Variants in MTHFD2L observed in about 807,000 individuals in gnomAD.
The protein encoded by MTHFD2L is methylenetetrahydrofolate dehydrogenase (NADP+ dependent) 2 like.
A neutral mutation model predicts 34.9 loss-of-function variants in MTHFD2L; 29 were observed. That is an observed-to-expected ratio of 0.83 (90% CI 0.62 to 1.13). MTHFD2L has a LOEUF of 1.13. Ranked by LOEUF, MTHFD2L falls within the 50% of genes most tolerant of loss-of-function variation. The pLI is 0.00. For synonymous variants in MTHFD2L, 167 were observed against 155.7 expected (o/e 1.07, Z -0.54); for missense variants, 481 against 446.5 (o/e 1.08, Z -0.70).
At chr4:74,227,324 C>T (rs541916847) in intron 6 of MTHFD2L, among the ~76,000 whole-genome samples, 49 of 152,294 alleles carry the variant, frequency 3.2e-4, no homozygotes, top group African/African-American at 1.2e-3. Context: ...ATGGTACAAG[C>T]TTCCTCCAGT....
At chr4:74,230,370 A>T (rs1374390285) in intron 6 of MTHFD2L, among the ~76,000 whole-genome samples, 2 of 152,002 alleles carry the variant, frequency 1.3e-5, no homozygotes, top group East Asian at 3.9e-4. Context: ...TGGGTGGATC[A>T]CCTGTGGTCA....
intron 2 of MTHFD2L, among the ~76,000 whole-genome samples, chr4:74,116,301 A>G (rs1721654351): frequency 6.6e-6 from 1 of 152,184 alleles, no homozygotes; most frequent in Admixed American, 6.5e-5. Context: ...ACTGTCAACC[A>G]ATAAAATACA....
At chr4:74,168,646 A>G (rs769326114) in intron 1 of MTHFD2L, among the ~76,000 whole-genome samples, 1 of 152,158 alleles carries the variant, frequency 6.6e-6, no homozygotes, top group Non-Finnish European at 1.5e-5. Context: ...TTCAGCACAT[A>G]GGAGACTTTC....
At chr4:74,290,435 T>A (rs1185671282) in intron 7 of MTHFD2L, among the ~76,000 whole-genome samples, 4 of 152,230 alleles carry the variant, frequency 2.6e-5, no homozygotes, top group Non-Finnish European at 5.9e-5. Context: ...TCAAGCTAAC[T>A]TGGGTTTGAA....
intron 1 of MTHFD2L, among the ~76,000 whole-genome samples, chr4:74,150,511 C>T (rs1243221208): frequency 6.6e-6 from 1 of 152,216 alleles, no homozygotes; most frequent in East Asian, 1.9e-4. Flanking sequence ...GCCTAGGCTT[C>T]CCAAAGTCCT....
At chr4:74,171,664 A>G (rs1304946628) in intron 1 of MTHFD2L, among the ~76,000 whole-genome samples, 2 of 152,086 alleles carry the variant, frequency 1.3e-5, no homozygotes, top group Non-Finnish European at 2.9e-5. Context: ...TTAGTCAGGC[A>G]TGGTGGCATA....
At chr4:74,211,090 G>A (rs142951585) in intron 5 of MTHFD2L, among the ~76,000 whole-genome samples, 54 of 152,266 alleles carry the variant, frequency 3.5e-4, no homozygotes, top group African/African-American at 1.3e-3. Context: ...GGGCTGTGGT[G>A]ACAGGGTTTT....
upstream of MTHFD2L, chr4:74,157,577 G>A: frequency 2.3e-6 from 1 of 433,120 alleles, no homozygotes; most frequent in Non-Finnish European, 4.6e-6. Flanking sequence ...TAAAGTAGAA[G>A]TATAGAAATC....
intron 6 of MTHFD2L, among the ~76,000 whole-genome samples, chr4:74,276,121 G>T (rs1746613719): frequency 6.6e-6 from 1 of 152,078 alleles, no homozygotes; most frequent in South Asian, 2.1e-4. Flanking sequence ...TTTAGGATTG[G>T]TGGATACAAA....
intron 1 of MTHFD2L, among the ~76,000 whole-genome samples, chr4:74,142,316 A>G (rs1723323734): frequency 2.0e-5 from 3 of 152,208 alleles, no homozygotes; most frequent in Admixed American, 6.5e-5. Context: ...TTATTGTAAC[A>G]GTATTTTGAA....
chr4:74,214,877 G>T (rs1212319527), intron 5 of MTHFD2L, among the ~76,000 whole-genome samples: 2 of 151,814 alleles, frequency 1.3e-5, no homozygotes, highest in Non-Finnish European at 2.9e-5. Flanking sequence ...GACAGGGGCT[G>T]CTGCCTTTCT....
intron 6 of MTHFD2L, among the ~76,000 whole-genome samples, chr4:74,279,416 A>G (rs940456822): frequency 1.3e-5 from 2 of 152,036 alleles, no homozygotes; most frequent in Non-Finnish European, 2.9e-5. Context: ...TTAAATTTTT[A>G]TATATTTTCC....
intron 1 of MTHFD2L, chr4:74,140,551 C>T (rs1723215654): frequency 3.1e-6 from 3 of 979,108 alleles, no homozygotes; most frequent in Non-Finnish European, 3.6e-6. Context: ...GTGCATTATT[C>T]ATTTAGGCTA....
chr4:74,187,781 C>T (rs564960965), intron 3 of MTHFD2L, among the ~76,000 whole-genome samples: 5 of 138,896 alleles, frequency 3.6e-5, no homozygotes, highest in African/African-American at 1.2e-4. Flanking sequence ...CTGGTCCAGC[C>T]ATTCTGTGCC....
At chr4:74,241,194 T>C (rs1436057816) in intron 6 of MTHFD2L, among the ~76,000 whole-genome samples, 1 of 152,186 alleles carries the variant, frequency 6.6e-6, no homozygotes, top group Non-Finnish European at 1.5e-5. Context: ...ACTTTTACCA[T>C]TATCAAATGA....
intron 5 of MTHFD2L, among the ~76,000 whole-genome samples, chr4:74,211,483 C>T (rs539574553): frequency 7.8e-4 from 119 of 152,138 alleles, no homozygotes; most frequent in African/African-American, 2.7e-3. Context: ...TGATGGATTC[C>T]GTTTGTTGAT....
chr4:74,259,019 A>G (rs1744367875), intron 6 of MTHFD2L, among the ~76,000 whole-genome samples: 1 of 152,184 alleles, frequency 6.6e-6, no homozygotes, highest in Non-Finnish European at 1.5e-5. Flanking sequence ...AATTCTACTA[A>G]ATCTCTGTAA....
At chr4:74,238,304 C>G (rs543504661) in intron 6 of MTHFD2L, among the ~76,000 whole-genome samples, 100 of 152,102 alleles carry the variant, frequency 6.6e-4, no homozygotes, top group African/African-American at 2.3e-3. Context: ...ATCTGTGGTG[C>G]GTTCTAAGGC....
Position 74,179,207 on chromosome 4 carries a change from T to C in MTHFD2L, c.451+3804T>C, listed in dbSNP as rs556970062. On this transcript the variant is annotated intron_variant, in intron 3 of 7. Coordinates refer to ENST00000325278, the MANE Select transcript of MTHFD2L (RefSeq NM_001144978.3). ...TTTCAGAGCCTGCCTTTTAAACTTC[T>C]TGTTACGTTTTACTGTCTCTCAGAA... 2.0e-5 allele frequency among the ~76,000 whole-genome samples: 3 copies of C among 152,216 alleles called. No individual in the cohort carries two copies. The East Asian group carries it at 5.8e-4, about 29-fold the overall frequency.
Sources: gnomAD v4.1 joint callset for allele counts (sites outside exome capture counted in the v4.1 genomes callset) on GRCh38, gnomAD v4.1.1 for gene constraint, MANE v1.5 for transcripts, NCBI Gene and HGNC (gene_info 2026-07-23, HGNC 2026-07-21) for gene names.